Variants in LBHD2 observed in about 807,000 individuals in gnomAD.
LBHD2 encodes LBH domain containing 2, also known as LBH domain-containing protein 2.
intron 2 of LBHD2, among the ~76,000 whole-genome samples, chr14:103,087,180 C>T (rs904055846): frequency 6.6e-6 from 1 of 152,250 alleles, no homozygotes; most frequent in African/African-American, 2.4e-5. Context: ...GACACCTGTT[C>T]TCACACTTGA....
At chr14:103,086,138 A>G (rs1019734477) in intron 2 of LBHD2, 57 bp downstream of exon 2, 6 of 398,420 alleles carry the variant, frequency 1.5e-5, no homozygotes, top group African/African-American at 8.2e-5. Context: ...ACTCTGTCCC[A>G]TGACTTGGGG....
chr14:103,089,953 T>G lies in LBHD2; in HGVS notation c.*156T>G, dbSNP rs750094062. 5.0e-6 allele frequency: 2 copies of G among 397,154 alleles called. No homozygotes were observed. Among genetic ancestry groups the G allele is most frequent in the Non-Finnish European group, 8.9e-6 (2 of 225,628 alleles). 24.6% of individuals were successfully genotyped at this position (397,154 alleles called of 1,614,324 possible). A position where few individuals can be genotyped will look rare whatever the true frequency, so the allele number is the denominator to read the frequency against. On this transcript the variant is annotated 3_prime_UTR_variant, in exon 4 of 4. Transcript: ENST00000634353. ...TCTGGACCGCAGCCCTGCCCTCTTC[T>G]GCCCATGGCCCAGGTCTGGATCACA... is the stretch of plus-strand genomic sequence containing the variant.
At chr14:103,086,675 C>T (rs972709665) in intron 2 of LBHD2, among the ~76,000 whole-genome samples, 3 of 151,962 alleles carry the variant, frequency 2.0e-5, no homozygotes, top group African/African-American at 7.3e-5. Flanking sequence ...CCTAGTGTCA[C>T]CTTTTGGCAG....
In LBHD2 at chr14:103,088,154, A is replaced by C. The variant is rs1268623493; in HGVS notation, c.139A>C (p.Ser47Arg). 1 of 398,672 alleles carries C rather than the reference A, an allele frequency of 2.5e-6. No homozygotes were observed. Among genetic ancestry groups the C allele is most frequent in the Non-Finnish European group, 4.4e-6 (1 of 226,114 alleles). 24.7% of individuals were successfully genotyped at this position (398,672 alleles called of 1,614,324 possible). Residue 47 changes from serine (S) to arginine (R), a missense_variant, in exon 3 of 4, where the codon AGC becomes CGC. Transcript: ENST00000634353. The stretch of plus-strand genomic sequence containing the variant: ...GCTGCCCTCAATCGTGGTGGAGCCC[A>C]GCGAGGCGGACCCTGTGGAAAGTGG... ...QRLPSIVVEP[S>R]EADPVESGEL...
chr14:103,088,854 C>A (rs937491184), intron 3 of LBHD2, among the ~76,000 whole-genome samples: 1 of 152,244 alleles, frequency 6.6e-6, no homozygotes, highest in Non-Finnish European at 1.5e-5. Context: ...ATTAGCCAGG[C>A]ATGGTGGCGG....
chr14:103,088,814 T>C (rs1276019400), intron 3 of LBHD2, among the ~76,000 whole-genome samples: 1 of 152,148 alleles, frequency 6.6e-6, no homozygotes, highest in Non-Finnish European at 1.5e-5. Context: ...GCCAACATGG[T>C]GAAACCCCAT....
At chr14:103,085,818 G>A (rs1402771876) in intron 1 of LBHD2, among the ~76,000 whole-genome samples, 158 bp from the exon 2 acceptor site, 1 of 152,228 alleles carries the variant, frequency 6.6e-6, no homozygotes, top group Non-Finnish European at 1.5e-5. Context: ...CCCTCTGGCG[G>A]CGGGCTCAGG....
At chr14:103,086,106 G>A (rs372136657) in intron 2 of LBHD2, 25 bp downstream of exon 2, 48 of 398,376 alleles carry the variant, frequency 1.2e-4, no homozygotes, top group Middle Eastern at 6.2e-4. Flanking sequence ...CCCTGGGGGG[G>A]TCGGGAGGGA....
intron 1 of LBHD2, among the ~76,000 whole-genome samples, chr14:103,084,618 G>A (rs1162283604): frequency 3.3e-5 from 5 of 152,166 alleles, no homozygotes; most frequent in African/African-American, 4.8e-5. Context: ...CTTGTTCCCT[G>A]CTTGCCTGCC....
At chr14:103,085,843 A>G in intron 1 of LBHD2, 133 bp from the exon 2 acceptor site, 2 of 393,940 alleles carry the variant, frequency 5.1e-6, no homozygotes, top group East Asian at 3.6e-5. Context: ...GAGCAGTGCA[A>G]TATAGGTCCA....
intron 2 of LBHD2, among the ~76,000 whole-genome samples, chr14:103,086,802 G>A (rs1205262644): frequency 2.6e-5 from 4 of 152,184 alleles, no homozygotes; most frequent in Non-Finnish European, 5.9e-5. Flanking sequence ...CTCCTTGTTG[G>A]GGAGCAGTGG....
intron 3 of LBHD2, among the ~76,000 whole-genome samples, chr14:103,088,808 A>G (rs1207433542): frequency 6.6e-6 from 1 of 152,250 alleles, no homozygotes; most frequent in Non-Finnish European, 1.5e-5. Context: ...AGCCTGGCCA[A>G]CATGGTGAAA....
At position 103,088,199 on chromosome 14, in the gene LBHD2, G is replaced by A; in HGVS notation, c.184G>A (p.Glu62Lys). Residue 62 changes from glutamate to lysine, a missense_variant, in exon 3 of 4, where the codon GAG (glutamate) becomes AAG (lysine). Coordinates refer to ENST00000634353, the MANE Select transcript of LBHD2 (RefSeq NM_001330236.2). ...AAGTGGGGAGCTGCGCTGGCCCCTG[G>A]AGAGTGCCCAGAGGGGCCCCTCTCA... ...VESGELRWPL[E>K]SAQRGPSQSR... The A allele has an allele frequency of 2.5e-6, 1 of 398,744 alleles. No homozygotes were observed. Among genetic ancestry groups the A allele is most frequent in the Non-Finnish European group, 4.4e-6 (1 of 226,148 alleles). The allele number at this position is 398,744 out of a possible 1,614,324, so 24.7% of individuals were successfully genotyped here. A position where few individuals can be genotyped will look rare whatever the true frequency, so the allele number is the denominator to read the frequency against.
intron 2 of LBHD2, among the ~76,000 whole-genome samples, chr14:103,087,807 A>G (rs967002511): frequency 2.6e-5 from 4 of 152,114 alleles, no homozygotes; most frequent in Non-Finnish European, 5.9e-5. Context: ...TGGCTGTGCA[A>G]TGGGCTTCTG....
chr14:103,086,884 C>T (rs1355176056), intron 2 of LBHD2, among the ~76,000 whole-genome samples: 1 of 152,166 alleles, frequency 6.6e-6, no homozygotes, highest in East Asian at 1.9e-4. Context: ...ACACAGCCTC[C>T]CAGGCAGGGT....
At chr14:103,086,506 C>A (rs187294048) in intron 2 of LBHD2, among the ~76,000 whole-genome samples, 1 of 152,098 alleles carries the variant, frequency 6.6e-6, no homozygotes, top group Non-Finnish European at 1.5e-5. Context: ...CCACTGTGCC[C>A]GGCTTGTTGC....
intron 3 of LBHD2, among the ~76,000 whole-genome samples, chr14:103,088,530 G>C (rs1889665525): frequency 6.6e-6 from 1 of 152,260 alleles, no homozygotes; most frequent in Admixed American, 6.5e-5. Flanking sequence ...TGTTGAATGA[G>C]TGATGCCACA....
intron 2 of LBHD2, among the ~76,000 whole-genome samples, chr14:103,087,189 G>T (rs79544637): frequency 6.6e-6 from 1 of 152,242 alleles, no homozygotes; most frequent in Non-Finnish European, 1.5e-5. Flanking sequence ...TCTCACACTT[G>T]AGGGTCACAT....
At position 103,089,907 on chromosome 14, in the gene LBHD2, G is replaced by T. The variant is rs1465439569; in HGVS notation, c.*110G>T. The T allele has an allele frequency of 2.5e-6, 1 of 397,534 alleles. No homozygotes were observed. Among genetic ancestry groups the T allele is most frequent in the East Asian group, 3.6e-5 (1 of 28,028 alleles). The allele number at this position is 397,534 out of a possible 1,614,324, so 24.6% of individuals were successfully genotyped here. A position where few individuals can be genotyped will look rare whatever the true frequency, so the allele number is the denominator to read the frequency against. On this transcript the variant is annotated 3_prime_UTR_variant, in exon 4 of 4. Coordinates refer to ENST00000634353, the MANE Select transcript of LBHD2 (RefSeq NM_001330236.2). Reference sequence around the variant, plus strand: ...CCTGCCCAGCCTGGAAAGCCCAGAGGCTGCTTCCTGTGTCACAGGGTCTGG... The same window carrying T: ...CCTGCCCAGCCTGGAAAGCCCAGAGTCTGCTTCCTGTGTCACAGGGTCTGG...
Sources: allele counts gnomAD v4.1 joint callset (sites outside exome capture counted in the v4.1 genomes callset), GRCh38; gene constraint gnomAD v4.1.1; transcripts MANE v1.5; gene names NCBI Gene and HGNC (gene_info 2026-07-23, HGNC 2026-07-21).